The following SDK1 variants were observed in gnomAD, a reference collection of about 807,000 sequenced individuals.
SDK1 encodes the protein protein sidekick-1.
In SDK1, 157 loss-of-function variants were observed where a neutral mutation model predicts 245.5. The ratio of observed to expected loss-of-function variants is 0.64; its 90% confidence interval spans 0.56 to 0.73. SDK1 has a LOEUF of 0.73. SDK1 is among the 30% of genes least tolerant of loss of function. The pLI, the probability that SDK1 is intolerant of heterozygous loss-of-function variation, is 0.00. For synonymous variants in SDK1, 1,647 were observed against 1,278.5 expected, an observed-to-expected ratio of 1.29 and a Z score of -6.15; for missense variants, 3,583 against 3,002.3, an observed-to-expected ratio of 1.19 and a Z score of -4.52.
chr7:3,930,909 CAGTT>C (rs1469059922), intron 5 of SDK1, among the ~76,000 whole-genome samples: 8 of 152,186 alleles, frequency 5.3e-5, no homozygotes, highest in African/African-American at 1.4e-4. Flanking sequence ...TTTTCAGCAT[CAGTT>C]AGAACATCTT....
intron 1 of SDK1, among the ~76,000 whole-genome samples, chr7:3,582,105 T>C (rs1424005474): frequency 4.3e-5 from 6 of 140,096 alleles, no homozygotes; most frequent in African/African-American, 1.3e-4. Flanking sequence ...CTCAGGTAGG[T>C]CTCCCTCAGG....
chr7:3,936,069 G>A (rs1244399396), intron 5 of SDK1, among the ~76,000 whole-genome samples: 3 of 152,196 alleles, frequency 2.0e-5, no homozygotes, highest in African/African-American at 7.2e-5. Context: ...TGAAAAGGAA[G>A]GACATTCTGA....
chr7:3,547,895 G>C (rs1779280894), intron 1 of SDK1, among the ~76,000 whole-genome samples: 1 of 152,178 alleles, frequency 6.6e-6, no homozygotes, highest in South Asian at 2.1e-4. Context: ...AATCTTCCCT[G>C]ACCATGCTGT....
intron 1 of SDK1, among the ~76,000 whole-genome samples, chr7:3,394,175 G>A (rs1418627298): frequency 1.3e-5 from 2 of 151,774 alleles, no homozygotes; most frequent in African/African-American, 4.8e-5. Context: ...CAAACACATG[G>A]AGTCAGTCTC....
intron 1 of SDK1, among the ~76,000 whole-genome samples, chr7:3,490,834 C>G (rs886343571): frequency 2.0e-5 from 3 of 152,194 alleles, no homozygotes; most frequent in Non-Finnish European, 4.4e-5. Context: ...TTAGTATATA[C>G]TCTCCCTTTT....
intron 4 of SDK1, among the ~76,000 whole-genome samples, chr7:3,673,579 T>A (rs527729049): frequency 4.6e-5 from 7 of 152,242 alleles, no homozygotes; most frequent in Admixed American, 6.5e-5. Flanking sequence ...CACTGTGAGA[T>A]GCCTTGGTAT....
At chr7:3,621,511 G>A (rs1379450558) in intron 2 of SDK1, among the ~76,000 whole-genome samples, 1 of 152,236 alleles carries the variant, frequency 6.6e-6, no homozygotes, top group African/African-American at 2.4e-5. Flanking sequence ...TGGACAGTGT[G>A]TGACAGTGGC....
chr7:3,937,080 CGT>C, intron 5 of SDK1, among the ~76,000 whole-genome samples: 1 of 152,278 alleles, frequency 6.6e-6, no homozygotes, highest in South Asian at 2.1e-4. Flanking sequence ...CGTGCAGTGG[CGT>C]GTGCCCCAGG....
chr7:3,401,859 A>G (rs1487190050), intron 1 of SDK1, among the ~76,000 whole-genome samples: 2 of 152,142 alleles, frequency 1.3e-5, no homozygotes, highest in East Asian at 1.9e-4. Flanking sequence ...TAGTTATTAA[A>G]TGTTATCACT....
At chr7:3,968,663 G>C (rs1487535123) in intron 10 of SDK1, among the ~76,000 whole-genome samples, 1 of 152,176 alleles carries the variant, frequency 6.6e-6, no homozygotes, top group African/African-American at 2.4e-5. Flanking sequence ...CACGTTCATG[G>C]ATCATAATTT....
intron 15 of SDK1, 115 bp downstream of exon 15, chr7:4,011,228 G>A (rs1165838356): frequency 7.5e-7 from 1 of 1,332,118 alleles, no homozygotes; most frequent in African/African-American, 1.4e-5. Flanking sequence ...CTTCCCTCAG[G>A]GAGACGGGAC....
intron 41 of SDK1, among the ~76,000 whole-genome samples, chr7:4,236,700 C>G (rs907502217): frequency 6.6e-6 from 1 of 152,080 alleles, no homozygotes; most frequent in Middle Eastern, 3.4e-3. Flanking sequence ...AGGAAGACCT[C>G]TCTTGGGTGA....
chr7:3,948,515 G>C (rs1260459938), intron 5 of SDK1, among the ~76,000 whole-genome samples: 1 of 152,174 alleles, frequency 6.6e-6, no homozygotes, highest in East Asian at 1.9e-4. Flanking sequence ...ACCCGTCTCG[G>C]CCTCCCAAAG....
chr7:3,317,150 C>T (rs796094414), intron 1 of SDK1, among the ~76,000 whole-genome samples: 4 of 119,010 alleles, frequency 3.4e-5, no homozygotes, highest in Admixed American at 2.2e-4. Context: ...CACTGCATTC[C>T]AACCTGGGCA....
At chr7:3,835,872 C>G (rs1780019106) in intron 5 of SDK1, among the ~76,000 whole-genome samples, 1 of 152,154 alleles carries the variant, frequency 6.6e-6, no homozygotes, top group Non-Finnish European at 1.5e-5. Flanking sequence ...GAGTTTCTGC[C>G]ACTTACATTT....
intron 40 of SDK1, among the ~76,000 whole-genome samples, chr7:4,223,835 G>A (rs1562453439): frequency 6.6e-6 from 1 of 152,158 alleles, no homozygotes; most frequent in African/African-American, 2.4e-5. Context: ...ACACTTCCAG[G>A]AGTACTTTCG....
At chr7:3,321,827 T>TCCTC (rs1476433583) in intron 1 of SDK1, among the ~76,000 whole-genome samples, 2 of 126,234 alleles carry the variant, frequency 1.6e-5, no homozygotes, top group Admixed American at 7.8e-5. Flanking sequence ...CTTCCTTCCT[T>TCCTC]CCTCCTTTTC....
chr7:4,244,219 C>A (rs917105055), intron 43 of SDK1, among the ~76,000 whole-genome samples: 1 of 152,146 alleles, frequency 6.6e-6, no homozygotes, highest in African/African-American at 2.4e-5. Context: ...CCCAGTGTTA[C>A]TTCTCCCATT....
intron 5 of SDK1, among the ~76,000 whole-genome samples, chr7:3,880,214 T>G (rs1781174066): frequency 6.6e-6 from 1 of 152,214 alleles, no homozygotes; most frequent in Non-Finnish European, 1.5e-5. Context: ...CAGGTGGGCC[T>G]TCATTGCTGA....
Sources: gnomAD v4.1 joint callset for allele counts (sites outside exome capture counted in the v4.1 genomes callset) on GRCh38, gnomAD v4.1.1 for gene constraint, MANE v1.5 for transcripts, NCBI Gene and HGNC (gene_info 2026-07-23, HGNC 2026-07-21) for gene names.